Variants in ARHGEF3 observed in about 807,000 individuals in gnomAD.
The protein encoded by ARHGEF3 is 59.8 kDA protein.
A neutral mutation model predicts 63.2 loss-of-function variants in ARHGEF3; 28 were observed. The observed-to-expected ratio is 0.44, with a 90% CI of 0.33 to 0.61. The LOEUF is 0.61. ARHGEF3 is among the 20% of genes least tolerant of loss of function. The pLI is 0.03. For missense variants in ARHGEF3, 533 were observed against 659.3 expected (o/e 0.81, Z 2.10); for synonymous variants, 266 against 254.2 (o/e 1.05, Z -0.44).
chr3:56,843,760 C>T (rs10510789), intron 4 of ARHGEF3, among the ~76,000 whole-genome samples: 18,993 of 151,974 alleles, frequency 0.12, 1,354 homozygotes, highest in South Asian at 0.23. Context: ...AATACTTTTT[C>T]TCAGAGAGCA....
intron 3 of ARHGEF3, among the ~76,000 whole-genome samples, chr3:56,934,033 G>GT (rs1384000301): frequency 1.3e-5 from 2 of 152,148 alleles, no homozygotes; most frequent in Admixed American, 6.5e-5. Flanking sequence ...CACTATGATT[G>GT]TATGTTTCCT....
intron 2 of ARHGEF3, among the ~76,000 whole-genome samples, chr3:56,975,220 C>T (rs1240232545): frequency 1.3e-5 from 2 of 152,140 alleles, no homozygotes; most frequent in Non-Finnish European, 2.9e-5. Flanking sequence ...GAGTATGAGA[C>T]TAGCTTGGCC....
chr3:56,943,974 C>T (rs1479576892), intron 3 of ARHGEF3, among the ~76,000 whole-genome samples: 2 of 149,150 alleles, frequency 1.3e-5, no homozygotes, highest in African/African-American at 4.9e-5. Context: ...GTCAGACGTT[C>T]GAGACCAGCC....
intron 4 of ARHGEF3, among the ~76,000 whole-genome samples, chr3:56,825,147 C>T (rs78865137): frequency 0.09 from 13,722 of 152,210 alleles, 817 homozygotes; most frequent in East Asian, 0.21. Context: ...GAGTACCTCC[C>T]TCATAGGGCT....
intron 3 of ARHGEF3, among the ~76,000 whole-genome samples, chr3:56,911,338 G>A (rs2041846409): frequency 2.0e-5 from 3 of 152,246 alleles, no homozygotes; most frequent in Admixed American, 6.5e-5. Flanking sequence ...AAGAATGCAG[G>A]GAAGCTAGAA....
intron 7 of ARHGEF3, among the ~76,000 whole-genome samples, chr3:56,738,286 C>T (rs1401601745): frequency 1.3e-5 from 2 of 152,128 alleles, no homozygotes; most frequent in Non-Finnish European, 2.9e-5. Context: ...GATCCCCCTG[C>T]CTCAGCCTCC....
intron 3 of ARHGEF3, among the ~76,000 whole-genome samples, chr3:56,911,008 G>A (rs1331734610): frequency 6.6e-6 from 1 of 152,148 alleles, no homozygotes; most frequent in Non-Finnish European, 1.5e-5. Context: ...CAACCTCCAG[G>A]ATCTCAGTCC....
chr3:56,894,454 A>G (rs2041233318), intron 3 of ARHGEF3, among the ~76,000 whole-genome samples: 1 of 152,162 alleles, frequency 6.6e-6, no homozygotes, highest in African/African-American at 2.4e-5. Context: ...ATAAAAAATG[A>G]TATTTTATGT....
intron 4 of ARHGEF3, among the ~76,000 whole-genome samples, chr3:56,815,348 T>C (rs2038231479): frequency 6.6e-6 from 1 of 152,148 alleles, no homozygotes; most frequent in Admixed American, 6.5e-5. Context: ...ATTATCTTGA[T>C]TTTATGCTAT....
chr3:56,789,491 T>G (rs1176090294), intron 1 of ARHGEF3, among the ~76,000 whole-genome samples: 1 of 152,228 alleles, frequency 6.6e-6, no homozygotes, highest in Admixed American at 6.5e-5. Flanking sequence ...CTATAACACA[T>G]TAAAGCCAAT....
chr3:56,978,067 C>T (rs1281032024), intron 2 of ARHGEF3, among the ~76,000 whole-genome samples: 1 of 152,196 alleles, frequency 6.6e-6, no homozygotes, highest in East Asian at 1.9e-4. Flanking sequence ...GGGAGACATG[C>T]CAGCATTCAG....
chr3:57,034,683 G>T (rs1158770834), intron 2 of ARHGEF3, among the ~76,000 whole-genome samples: 2 of 129,036 alleles, frequency 1.5e-5, no homozygotes, highest in Non-Finnish European at 3.1e-5. Context: ...TTTTGACAAG[G>T]TCTCACTCTG....
intron 7 of ARHGEF3, 51 bp downstream of exon 7, chr3:56,745,154 C>A (rs749526100): frequency 6.3e-7 from 1 of 1,577,102 alleles, no homozygotes; most frequent in Non-Finnish European, 8.6e-7. Flanking sequence ...AATCCACCAG[C>A]CATTATGGTG....
intron 4 of ARHGEF3, among the ~76,000 whole-genome samples, chr3:56,845,965 A>C (rs1242466446): frequency 6.6e-6 from 1 of 152,208 alleles, no homozygotes; most frequent in Non-Finnish European, 1.5e-5. Context: ...AGCTGTCCCT[A>C]GACTTCCACT....
chr3:57,021,799 G>A (rs1481520083), intron 2 of ARHGEF3, among the ~76,000 whole-genome samples: 4 of 150,688 alleles, frequency 2.7e-5, no homozygotes, highest in African/African-American at 7.3e-5. Context: ...AATCCAATTA[G>A]AAGACAAAAA....
At chr3:56,772,986 A>G (rs1439581958) in intron 2 of ARHGEF3, among the ~76,000 whole-genome samples, 1 of 152,166 alleles carries the variant, frequency 6.6e-6, no homozygotes, top group Non-Finnish European at 1.5e-5. Flanking sequence ...AACCCAAGGT[A>G]CTTCCACTCC....
chr3:56,786,382 T>C (rs1276792231), intron 1 of ARHGEF3, among the ~76,000 whole-genome samples: 2 of 152,232 alleles, frequency 1.3e-5, no homozygotes, highest in East Asian at 3.8e-4. Context: ...AATGGATTCA[T>C]CTGGCATTTC....
At chr3:56,813,017 C>T (rs1405189613) in intron 4 of ARHGEF3, among the ~76,000 whole-genome samples, 1 of 152,110 alleles carries the variant, frequency 6.6e-6, no homozygotes, top group Non-Finnish European at 1.5e-5. Context: ...CTTTAATAAC[C>T]CAGTGCTGCC....
At chr3:56,921,020 A>G (rs1241795720) in intron 3 of ARHGEF3, among the ~76,000 whole-genome samples, 1 of 135,406 alleles carries the variant, frequency 7.4e-6, no homozygotes, top group Non-Finnish European at 1.5e-5. Context: ...GCACCACTGC[A>G]CTCCAGCCTG....
Sources: gnomAD v4.1 joint callset for allele counts (sites outside exome capture counted in the v4.1 genomes callset) on GRCh38, gnomAD v4.1.1 for gene constraint, MANE v1.5 for transcripts, NCBI Gene and HGNC (gene_info 2026-07-23, HGNC 2026-07-21) for gene names.